SYTL5: variants seen among roughly 807,000 people sequenced by gnomAD.
The protein encoded by SYTL5 is synaptotagmin-like protein 5.
A neutral mutation model predicts 55.9 loss-of-function variants in SYTL5; 34 were observed. That is an observed-to-expected ratio of 0.61 (90% CI 0.46 to 0.81). The LOEUF (loss-of-function observed/expected upper bound fraction) is 0.81, where lower values mean the gene tolerates loss of function less well. Ranked by LOEUF, SYTL5 falls within the 30% of genes least tolerant of loss-of-function variation. The pLI is 0.00. For synonymous variants in SYTL5, 221 were observed against 188.7 expected (o/e 1.17, Z -1.40); for missense variants, 637 against 546.7 (o/e 1.17, Z -1.65).
intron 3 of SYTL5, among the ~76,000 whole-genome samples, chrX:38,062,350 T>A (rs73465481): frequency 0.056 from 6,339 of 112,215 alleles, 135 homozygotes; most frequent in Middle Eastern, 0.096. Flanking sequence ...CCGTGCTATA[T>A]GTCCTTGTGA....
intron 6 of SYTL5, among the ~76,000 whole-genome samples, chrX:38,086,210 C>T (rs1482332130): frequency 5.4e-5 from 6 of 111,335 alleles, no homozygotes; most frequent in Non-Finnish European, 9.4e-5. Flanking sequence ...GCCAGGGGCT[C>T]AGATGTTTTT....
At chrX:38,041,165 G>C (rs1935275436) in intron 2 of SYTL5, among the ~76,000 whole-genome samples, 1 of 111,728 alleles carries the variant, frequency 9.0e-6, no homozygotes, top group South Asian at 3.8e-4. Flanking sequence ...AAACAGGAGG[G>C]GAGCGTGCAT....
chrX:38,015,627 C>G (rs1182229135), intron 1 of SYTL5, among the ~76,000 whole-genome samples: 1 of 111,080 alleles, frequency 9.0e-6, no homozygotes, highest in Non-Finnish European at 1.9e-5. Flanking sequence ...TCAAGAGATT[C>G]TGTTTTTTTG....
At chrX:37,914,487 A>C in the SYTL5 span, among the ~76,000 whole-genome samples, 504 of 111,086 alleles carry the variant, frequency 4.5e-3, 2 homozygotes, top group African/African-American at 0.016. Flanking sequence ...TATAAAGCCC[A>C]AAAAAAAGCA....
the SYTL5 span, among the ~76,000 whole-genome samples, chrX:37,917,451 A>T: frequency 3.9e-4 from 44 of 111,941 alleles, no homozygotes; most frequent in African/African-American, 1.3e-3. Context: ...AGTGGCATGA[A>T]TTTCTGTCAC....
intron 2 of SYTL5, among the ~76,000 whole-genome samples, chrX:38,049,036 A>C (rs6520973): frequency 0.35 from 39,248 of 110,655 alleles, 7,460 homozygotes; most frequent in African/African-American, 0.73. Context: ...TCTGAATCTT[A>C]CAAAAGATGG....
At chrX:38,110,986 C>T (rs1390968438) in intron 13 of SYTL5, among the ~76,000 whole-genome samples, 1 of 111,704 alleles carries the variant, frequency 9.0e-6, no homozygotes, top group Non-Finnish European at 1.9e-5. Context: ...CCTTGAGTTA[C>T]ATTCAGAAAA....
At chrX:38,081,321 G>A (rs1936526134) in intron 6 of SYTL5, among the ~76,000 whole-genome samples, 1 of 111,525 alleles carries the variant, frequency 9.0e-6, no homozygotes, top group South Asian at 3.8e-4. Flanking sequence ...ATTCCAGGGA[G>A]CAACTGACAC....
chrX:38,049,014 G>A (rs1366740994), intron 2 of SYTL5, among the ~76,000 whole-genome samples: 2 of 111,824 alleles, frequency 1.8e-5, no homozygotes, highest in Non-Finnish European at 3.8e-5. Flanking sequence ...CCACAGTGTT[G>A]ATGGCATTGT....
chrX:37,940,271 C>T, the SYTL5 span, among the ~76,000 whole-genome samples: 9 of 110,048 alleles, frequency 8.2e-5, no homozygotes, highest in Admixed American at 5.9e-4. Flanking sequence ...ATTTGAATTC[C>T]CCTATATGTA....
intron 6 of SYTL5, among the ~76,000 whole-genome samples, chrX:38,088,541 C>A (rs977387212): frequency 8.0e-5 from 9 of 112,099 alleles, no homozygotes; most frequent in Non-Finnish European, 1.3e-4. Flanking sequence ...TTATGAAGCT[C>A]ATTTAATAAG....
chrX:37,992,207 C>T, the SYTL5 span, among the ~76,000 whole-genome samples: 1 of 112,954 alleles, frequency 8.9e-6, no homozygotes, highest in African/African-American at 3.2e-5. Flanking sequence ...GCCTCTAAAG[C>T]ACATGCAATC....
intron 2 of SYTL5, among the ~76,000 whole-genome samples, chrX:38,039,219 G>A (rs1935206087): frequency 1.8e-5 from 2 of 112,208 alleles, no homozygotes; most frequent in Non-Finnish European, 3.8e-5. Context: ...AGGAGATAGC[G>A]AGACACAGGT....
chrX:37,966,433 T>C, the SYTL5 span, among the ~76,000 whole-genome samples: 1 of 83,463 alleles, frequency 1.2e-5, no homozygotes, highest in Non-Finnish European at 2.3e-5. Context: ...CGTTTTTCTT[T>C]TTCTTTTTTT....
the SYTL5 span, among the ~76,000 whole-genome samples, chrX:37,925,981 C>T: frequency 3.6e-5 from 4 of 111,644 alleles, no homozygotes; most frequent in Middle Eastern, 9.2e-3. Flanking sequence ...TATATATGTA[C>T]CACAATTTCT....
chrX:38,005,755 G>C (rs1197144121), upstream of SYTL5, among the ~76,000 whole-genome samples: 1 of 111,504 alleles, frequency 9.0e-6, no homozygotes, highest in Non-Finnish European at 1.9e-5. Context: ...TTTAACATAA[G>C]AAAGTAATAA....
In SYTL5 at chrX:38,102,918, G is replaced by A. The variant is rs1937117463; in HGVS notation, c.1155+484G>A. 5 of 520,135 alleles carry A rather than the reference G, an allele frequency of 9.6e-6. No individual in the cohort carries two copies. In the South Asian group the frequency reaches 1.4e-4, roughly 15 times the overall value. 42.9% of individuals were successfully genotyped at this position (520,135 alleles called of 1,213,427 possible). ...TGTTCAAGGCCTTTTTTGAGAGGAA[G>A]GCCCTGTGTCCTTGTATCTAACTGT... On this transcript the variant is annotated intron_variant, in intron 10 of 16. Coordinates refer to ENST00000297875, the MANE Select transcript of SYTL5 (RefSeq NM_138780.3).
At chrX:38,017,810 C>T (rs1420641698) in intron 1 of SYTL5, among the ~76,000 whole-genome samples, 1 of 109,123 alleles carries the variant, frequency 9.2e-6, no homozygotes, top group Non-Finnish European at 1.9e-5. Flanking sequence ...AGTGTGCATT[C>T]ATCTAAAGAC....
intron 10 of SYTL5, among the ~76,000 whole-genome samples, chrX:38,103,979 C>T (rs1226462242): frequency 8.9e-6 from 1 of 111,840 alleles, no homozygotes; most frequent in Non-Finnish European, 1.9e-5. Flanking sequence ...TAAATAGCAC[C>T]TATTACTTAC....
Sources: allele counts gnomAD v4.1 joint callset (sites outside exome capture counted in the v4.1 genomes callset), GRCh38; gene constraint gnomAD v4.1.1; transcripts MANE v1.5; gene names NCBI Gene and HGNC (gene_info 2026-07-23, HGNC 2026-07-21).